NCBP3: variants seen among roughly 807,000 people sequenced by gnomAD.
The protein encoded by NCBP3 is nuclear cap-binding protein subunit 3.
In NCBP3, 20 loss-of-function variants were observed where a neutral mutation model predicts 75.7. The ratio of observed to expected loss-of-function variants is 0.26; its 90% CI spans 0.19 to 0.38. The LOEUF (loss-of-function observed/expected upper bound fraction) is 0.38. Among genes scored for constraint, NCBP3 ranks in the 10% least tolerant of loss-of-function variants. The probability of loss-of-function intolerance (pLI) is 1.00; values close to 1 mark genes in which losing one functional copy is unlikely to be tolerated. For synonymous variants in NCBP3, 293 were observed against 290.5 expected (o/e 1.01, Z -0.09); for missense variants, 678 against 796.9 (o/e 0.85, Z 1.80).
At chr17:3,832,864 G>T (rs2053908892) in intron 3 of NCBP3, among the ~76,000 whole-genome samples, 4 of 152,090 alleles carry the variant, frequency 2.6e-5, no homozygotes, top group Admixed American at 1.3e-4. Context: ...TAAGAGATGG[G>T]TTTAACATGA....
intron 3 of NCBP3, among the ~76,000 whole-genome samples, chr17:3,838,253 C>CA (rs764517690): frequency 6.6e-6 from 1 of 152,176 alleles, no homozygotes; most frequent in Non-Finnish European, 1.5e-5. Flanking sequence ...CAAGGAAGGG[C>CA]AAATGCACAG....
intron 3 of NCBP3, 65 bp downstream of exon 3, chr17:3,840,035 G>A (rs2054037260): frequency 3.2e-6 from 4 of 1,266,226 alleles, no homozygotes; most frequent in Non-Finnish European, 4.5e-6. Context: ...GAAGCATGAG[G>A]TGATGGCAGG....
At position 3,811,215 on chromosome 17, in the gene NCBP3, C is replaced by T. The variant is rs1250480432; in HGVS notation, c.*1829G>A. Reference sequence around the variant, plus strand: ...AACTGCTAGACGGGAAAACTGAGGCCCAGGTCCATGGAGCAGAGCCAGGGG... The same window carrying T: ...AACTGCTAGACGGGAAAACTGAGGCTCAGGTCCATGGAGCAGAGCCAGGGG... On this transcript the variant is annotated 3_prime_UTR_variant, in exon 13 of 13. Coordinates refer to ENST00000389005, the MANE Select transcript of NCBP3 (RefSeq NM_001114118.3). The T allele has an allele frequency of 6.6e-6, 1 of 152,352 alleles. No homozygotes were observed. Among genetic ancestry groups the T allele is most frequent in the African/African-American group, 2.4e-5 (1 of 41,414 alleles). 9.4% of individuals were successfully genotyped at this position (152,352 alleles called of 1,614,324 possible). A position where few individuals can be genotyped will look rare whatever the true frequency, so the allele number is the denominator to read the frequency against.
At chr17:3,821,160 GT>G in intron 9 of NCBP3, 88 bp downstream of exon 9, 1 of 935,570 alleles carries the variant, frequency 1.1e-6, no homozygotes, top group Non-Finnish European at 1.7e-6. Flanking sequence ...GGATGATAAA[GT>G]TTGGAACCTT....
rs77838608 is a variant in NCBP3 at position 3,841,849 on chromosome 17, C to A, written c.249+1237G>T. ...CTCTGTCTCAAAAAAAAAAAAAAAA[C>A]ACTATAAAAAGGAAGGCACGAAATA... is the stretch of plus-strand genomic sequence containing the variant. On this transcript the variant is annotated intron_variant, in intron 2 of 12. Transcript: ENST00000389005. Among the ~76,000 whole-genome samples the A allele has an allele frequency of 9.9e-3, 1,301 of 131,184 alleles. 25 individuals are homozygous for A. Among genetic ancestry groups the A allele is most frequent in the African/African-American group, 0.033 (1,233 of 37,352 alleles). The allele number at this position is 131,184 out of a possible 152,430, so 86.1% of individuals were successfully genotyped here.
At chr17:3,842,971 A>G (rs990386327) in intron 2 of NCBP3, 115 bp downstream of exon 2, 4 of 967,646 alleles carry the variant, frequency 4.1e-6, no homozygotes, top group Non-Finnish European at 6.2e-6. Flanking sequence ...TAGAAAAAAA[A>G]TTTAAATCCA....
rs1046532600 is a variant in NCBP3, at chr17:3,822,110, A to G, written c.797-58T>C. ...TCCTGTGAGTGTAAAGACAATGTTG[A>G]ATTTTTTTTTTAATGTTTTCCATAG... On this transcript the variant is annotated intron_variant, in intron 7 of 12. Transcript: ENST00000389005. 3.2e-6 allele frequency: 4 copies of G among 1,233,398 alleles called. No homozygotes were observed. In the African/African-American group the frequency reaches 6.1e-5, roughly 19 times the overall value. The allele number at this position is 1,233,398 out of a possible 1,614,324, so 76.4% of individuals were successfully genotyped here.
At chr17:3,822,318 A>G (rs946113824) in intron 7 of NCBP3, 1 of 316,954 alleles carries the variant, frequency 3.2e-6, no homozygotes, top group Admixed American at 4.8e-5. Context: ...TAAACAATAC[A>G]AGATACAAGG....
intron 3 of NCBP3, among the ~76,000 whole-genome samples, chr17:3,834,443 A>G (rs992106983): frequency 6.6e-6 from 1 of 152,348 alleles, no homozygotes; most frequent in East Asian, 1.9e-4. Context: ...GAGCTAATGA[A>G]GAAAAGATTA....
chr17:3,804,931 A>G lies in NCBP3; in HGVS notation c.*8113T>C, dbSNP rs2053320943. 1 of 152,096 alleles carries G rather than the reference A, an allele frequency of 6.6e-6. No individual in the cohort carries two copies. The highest frequency in any genetic ancestry group is 2.4e-5 in the African/African-American group (1 of 41,412). 9.4% of individuals were successfully genotyped at this position (152,096 alleles called of 1,614,324 possible). A position where few individuals can be genotyped will look rare whatever the true frequency, so the allele number is the denominator to read the frequency against. Reference sequence around the variant, plus strand: ...AGAATCAGGACTCTGAACCACCACAAACTCTCCTGCCTTCAGCTCTTTTGG... The same window carrying G: ...AGAATCAGGACTCTGAACCACCACAGACTCTCCTGCCTTCAGCTCTTTTGG... On this transcript the variant is annotated 3_prime_UTR_variant, in exon 13 of 13. Transcript: ENST00000389005.
At chr17:3,819,180 G>A (rs899532303) in intron 9 of NCBP3, among the ~76,000 whole-genome samples, 3 of 152,164 alleles carry the variant, frequency 2.0e-5, no homozygotes, top group African/African-American at 7.2e-5. Context: ...ATCAGGTAAG[G>A]CATTCAGGCA....
chr17:3,821,504 C>G (rs1475147186), intron 8 of NCBP3, 152 bp from the exon 9 acceptor site: 1 of 612,976 alleles, frequency 1.6e-6, no homozygotes, highest in African/African-American at 1.9e-5. Flanking sequence ...CTCACTGCAA[C>G]CTTTGCCTCT....
intron 7 of NCBP3, chr17:3,823,860 T>A (rs529577876): frequency 1.3e-5 from 2 of 152,314 alleles, no homozygotes; most frequent in Admixed American, 6.5e-5. Flanking sequence ...CCTCCTGACA[T>A]GATGCTCTGG....
chr17:3,844,615 C>T (rs1427496769), intron 1 of NCBP3, among the ~76,000 whole-genome samples: 1 of 152,194 alleles, frequency 6.6e-6, no homozygotes, highest in Non-Finnish European at 1.5e-5. Context: ...CTTTGGGAGG[C>T]AGAGGCGGGC....
intron 2 of NCBP3, 64 bp downstream of exon 2, chr17:3,843,022 G>T: frequency 8.1e-7 from 1 of 1,230,034 alleles, no homozygotes; most frequent in Non-Finnish European, 1.2e-6. Flanking sequence ...TTATGTCCTA[G>T]GGATCAAATT....
At chr17:3,836,760 T>C (rs1328250402) in intron 3 of NCBP3, among the ~76,000 whole-genome samples, 2 of 151,780 alleles carry the variant, frequency 1.3e-5, no homozygotes, top group Admixed American at 6.6e-5. Context: ...AGCTAGAAAG[T>C]AACAGATTAA....
At chr17:3,843,756 T>C (rs574766931) in intron 1 of NCBP3, among the ~76,000 whole-genome samples, 1 of 152,250 alleles carries the variant, frequency 6.6e-6, no homozygotes, top group East Asian at 1.9e-4. Flanking sequence ...CATGTTGGCA[T>C]ACTGGTCTCA....
At chr17:3,817,413 G>A (rs966104522) in intron 10 of NCBP3, among the ~76,000 whole-genome samples, 3 of 152,018 alleles carry the variant, frequency 2.0e-5, no homozygotes, top group Non-Finnish European at 2.9e-5. Context: ...GGTGGATCAC[G>A]AGGTCAGGAG....
At chr17:3,844,162 T>C (rs748854323) in intron 1 of NCBP3, among the ~76,000 whole-genome samples, 65 of 152,274 alleles carry the variant, frequency 4.3e-4, no homozygotes, top group Non-Finnish European at 6.9e-4. Flanking sequence ...CAGCCTCACC[T>C]AGAACTCCTG....
Sources: allele counts gnomAD v4.1 joint callset (sites outside exome capture counted in the v4.1 genomes callset), GRCh38; gene constraint gnomAD v4.1.1; transcripts MANE v1.5; gene names NCBI Gene and HGNC (gene_info 2026-07-23, HGNC 2026-07-21).